The following MIGA1 variants were observed in gnomAD, a reference collection of about 807,000 sequenced individuals.
MIGA1 encodes the protein mitoguardin 1, also known as family with sequence similarity 73, member A.
Under a neutral mutation model 82.0 loss-of-function variants are expected in MIGA1, and 58 were observed. The ratio of observed to expected loss-of-function variants is 0.71; its 90% CI spans 0.57 to 0.88. The LOEUF (loss-of-function observed/expected upper bound fraction) is 0.88, where lower values mean the gene tolerates loss of function less well. Ranked by LOEUF, MIGA1 falls within the 40% of genes least tolerant of loss-of-function variation. The probability of loss-of-function intolerance (pLI) is 0.00; values close to 1 mark genes in which losing one functional copy is unlikely to be tolerated. For synonymous variants in MIGA1, 249 were observed against 253.6 expected, an observed-to-expected ratio of 0.98 and a Z score of 0.17; for missense variants, 751 against 749.1, an observed-to-expected ratio of 1.00 and a Z score of -0.03.
At chr1:77,792,851 C>T (rs537386201) in intron 2 of MIGA1, among the ~76,000 whole-genome samples, 5 of 142,398 alleles carry the variant, frequency 3.5e-5, no homozygotes, top group African/African-American at 5.3e-5. Context: ...TGCAGTGGCG[C>T]GATCTCAGCT....
chr1:77,858,297 A>G (rs1458525385), intron 8 of MIGA1, among the ~76,000 whole-genome samples: 2 of 152,098 alleles, frequency 1.3e-5, no homozygotes, highest in South Asian at 2.1e-4. Flanking sequence ...CATTGAGCCA[A>G]GATCCTGCCA....
At chr1:77,799,530 C>T (rs943246009) in intron 2 of MIGA1, among the ~76,000 whole-genome samples, 7 of 152,148 alleles carry the variant, frequency 4.6e-5, no homozygotes, top group Non-Finnish European at 8.8e-5. Context: ...ATGATTAGGA[C>T]GTATCCTCAT....
chr1:77,841,128 G>GA (rs1684612007), intron 7 of MIGA1, among the ~76,000 whole-genome samples: 1 of 151,998 alleles, frequency 6.6e-6, no homozygotes, highest in African/African-American at 2.4e-5. Context: ...TAGTTTAATG[G>GA]AAAAATGTAA....
intron 2 of MIGA1, among the ~76,000 whole-genome samples, chr1:77,783,903 A>G (rs1344967286): frequency 6.6e-6 from 1 of 152,226 alleles, no homozygotes; most frequent in African/African-American, 2.4e-5. Flanking sequence ...CCTCACAAGT[A>G]GAACCCTACA....
chr1:77,861,146 AG>A lies in MIGA1; in HGVS notation c.1276-77del. 3 of 896,390 alleles carry A rather than the reference AG, an allele frequency of 3.3e-6. No homozygotes were observed. The South Asian group carries it at 4.6e-5, about 14-fold the overall frequency. The allele number at this position is 896,390 out of a possible 1,614,324, so 55.5% of individuals were successfully genotyped here. A position where few individuals can be genotyped will look rare whatever the true frequency, so the allele number is the denominator to read the frequency against. Reference sequence around the variant, plus strand: ...TTACCTAGTAGAATTAAGATCTACCAGACTTATTTGAAGAGTAACTTTCTTT... The same window carrying A: ...TTACCTAGTAGAATTAAGATCTACCAACTTATTTGAAGAGTAACTTTCTTT... On this transcript the variant is annotated intron_variant, in intron 11 of 15. Transcript: ENST00000370791.
chr1:77,802,720 G>A (rs759757133), intron 3 of MIGA1, among the ~76,000 whole-genome samples: 26 of 152,018 alleles, frequency 1.7e-4, no homozygotes, highest in Middle Eastern at 6.8e-3. Flanking sequence ...CGTCAGTGCT[G>A]CAGTGAGACA....
rs554028137 is a variant in MIGA1 at position 77,865,931 on chromosome 1, T to G, written c.1510-407T>G. ...TTGTTTTTTGTTTGTTTGTTTGTTTTGAGACAAAGTCTTGCTCTGTCGCTA... is the reference window on the plus strand; with the variant it reads ...TTGTTTTTTGTTTGTTTGTTTGTTTGGAGACAAAGTCTTGCTCTGTCGCTA... On this transcript the variant is annotated intron_variant, in intron 13 of 15. Coordinates refer to ENST00000370791, the MANE Select transcript of MIGA1 (RefSeq NM_198549.4). Among the ~76,000 whole-genome samples the G allele has an allele frequency of 6.8e-4, 103 of 152,256 alleles. 1 individual carries two copies. The highest frequency in any genetic ancestry group is 2.5e-3 in the African/African-American group (102 of 41,532).
At position 77,779,676 on chromosome 1, in the gene MIGA1, G is replaced by T. The variant is rs1478506754; in HGVS notation, c.21G>T (p.Ala7=). 1 of 1,587,398 alleles carries T rather than the reference G, an allele frequency of 6.3e-7. No homozygotes were observed. The highest frequency in any genetic ancestry group is 2.3e-5 in the East Asian group (1 of 43,660). Residue 7 remains alanine, a synonymous_variant, in exon 1 of 16, where the codon GCG becomes GCT. Coordinates refer to ENST00000370791, the MANE Select transcript of MIGA1 (RefSeq NM_198549.4). ...TCTCCATGTCAGACTGCTGCTCAGC[G>T]CCAGGCATCAGCTGGGAAGCTGGCG...
At chr1:77,810,964 A>G (rs1031787639) in intron 5 of MIGA1, 20 of 1,611,962 alleles carry the variant, frequency 1.2e-5, no homozygotes, top group South Asian at 8.8e-5. Flanking sequence ...GTATAGTTCT[A>G]TTACAATTGG....
chr1:77,874,813 T>C (rs1409490522), intron 15 of MIGA1, 33 bp from the exon 16 acceptor site: 2 of 1,507,150 alleles, frequency 1.3e-6, no homozygotes, highest in Admixed American at 3.5e-5. Context: ...TTAATTTTGG[T>C]CTAATAAATG....
chr1:77,826,556 G>T (rs1684033580), intron 7 of MIGA1, among the ~76,000 whole-genome samples: 1 of 152,124 alleles, frequency 6.6e-6, no homozygotes, highest in Non-Finnish European at 1.5e-5. Flanking sequence ...GCTCACCACA[G>T]CCTCAACTTC....
intron 8 of MIGA1, among the ~76,000 whole-genome samples, chr1:77,844,113 A>AAAAAAAATAT (rs1296124524): frequency 5.5e-5 from 5 of 90,138 alleles, no homozygotes; most frequent in African/African-American, 1.4e-4. Flanking sequence ...AAAAAAAAAA[A>AAAAAAAATAT]ATATATATAT....
chr1:77,849,867 C>A (rs1684979748), intron 8 of MIGA1, among the ~76,000 whole-genome samples: 1 of 151,938 alleles, frequency 6.6e-6, no homozygotes, highest in African/African-American at 2.4e-5. Context: ...GAAACCCAGT[C>A]TCTACTAAAA....
At chr1:77,869,452 G>A (rs573648749) in intron 14 of MIGA1, among the ~76,000 whole-genome samples, 2 of 143,318 alleles carry the variant, frequency 1.4e-5, no homozygotes, top group South Asian at 2.4e-4. Context: ...CCAATGAGCC[G>A]CTGGGCACAC....
chr1:77,844,183 TACAC>T (rs1191104649), intron 8 of MIGA1, among the ~76,000 whole-genome samples: 1 of 147,566 alleles, frequency 6.8e-6, no homozygotes, highest in South Asian at 2.1e-4. Context: ...TATATGTATA[TACAC>T]ACACACATAC....
intron 1 of MIGA1, 161 bp downstream of exon 1, chr1:77,779,897 G>C (rs1243013672): frequency 7.1e-7 from 1 of 1,412,136 alleles, no homozygotes. Flanking sequence ...AAAGCCAGAG[G>C]GTCTACGGCC....
intron 2 of MIGA1, among the ~76,000 whole-genome samples, chr1:77,791,284 A>G (rs1157518405): frequency 6.6e-6 from 1 of 151,096 alleles, no homozygotes; most frequent in Non-Finnish European, 1.5e-5. Flanking sequence ...TGCTATATAA[A>G]TGGAGTCACA....
intron 14 of MIGA1, among the ~76,000 whole-genome samples, chr1:77,872,747 C>G (rs955074589): frequency 6.6e-6 from 1 of 152,200 alleles, no homozygotes; most frequent in Non-Finnish European, 1.5e-5. Context: ...ATGACTGACT[C>G]TTGGTTTGCC....
chr1:77,788,751 T>A (rs946089314), intron 2 of MIGA1, among the ~76,000 whole-genome samples: 1 of 152,210 alleles, frequency 6.6e-6, no homozygotes, highest in African/African-American at 2.4e-5. Flanking sequence ...TTTGATGATA[T>A]ATGTGAGGTT....
Sources: gnomAD v4.1 joint callset for allele counts (sites outside exome capture counted in the v4.1 genomes callset) on GRCh38, gnomAD v4.1.1 for gene constraint, MANE v1.5 for transcripts, NCBI Gene and HGNC (gene_info 2026-07-23, HGNC 2026-07-21) for gene names.